The following EBF1 variants were observed in gnomAD, a reference collection of about 807,000 sequenced individuals.
EBF1 encodes EBF transcription factor 1.
In EBF1, 10 loss-of-function variants were observed where a neutral mutation model predicts 68.4. That is an observed-to-expected ratio of 0.15 (90% CI 0.09 to 0.25). The LOEUF (loss-of-function observed/expected upper bound fraction) is 0.25. Among genes scored for constraint, EBF1 ranks in the 10% least tolerant of loss-of-function variants. EBF1 has a pLI of 1.00. For synonymous variants in EBF1, 298 were observed against 299.8 expected (o/e 0.99, Z 0.06); for missense variants, 509 against 794.4 (o/e 0.64, Z 4.32).
intron 6 of EBF1, among the ~76,000 whole-genome samples, chr5:158,867,131 C>T (rs898839192): frequency 6.6e-6 from 1 of 151,984 alleles, no homozygotes; most frequent in Non-Finnish European, 1.5e-5. Flanking sequence ...AAGTTCTGCT[C>T]TATTGTGCCT....
intron 6 of EBF1, among the ~76,000 whole-genome samples, chr5:158,989,745 G>A (rs564407293): frequency 1.4e-4 from 21 of 152,270 alleles, no homozygotes; most frequent in African/African-American, 5.1e-4. Context: ...ATTCATTCAT[G>A]TGTTCATTCA....
At chr5:158,844,462 G>A (rs763369347) in intron 6 of EBF1, among the ~76,000 whole-genome samples, 10 of 152,228 alleles carry the variant, frequency 6.6e-5, no homozygotes, top group Non-Finnish European at 8.8e-5. Context: ...TAAATTGACC[G>A]AAAGGACTAG....
intron 6 of EBF1, among the ~76,000 whole-genome samples, chr5:158,845,794 A>G (rs1275560166): frequency 6.6e-6 from 1 of 152,166 alleles, no homozygotes; most frequent in East Asian, 1.9e-4. Flanking sequence ...CACATAAAGG[A>G]AAGGGGTAGT....
At chr5:158,876,901 TC>T (rs1445947572) in intron 6 of EBF1, among the ~76,000 whole-genome samples, 4 of 151,818 alleles carry the variant, frequency 2.6e-5, no homozygotes, top group Admixed American at 1.3e-4. Context: ...CATTTAGAGG[TC>T]TTTTTTACAT....
chr5:158,717,659 G>A (rs1347280275), intron 11 of EBF1, among the ~76,000 whole-genome samples: 3 of 151,392 alleles, frequency 2.0e-5, no homozygotes, highest in African/African-American at 7.3e-5. Context: ...ATCCCTTTTG[G>A]GAATTAAAGA....
At chr5:159,019,048 T>C (rs888961712) in intron 6 of EBF1, 3 of 152,210 alleles carry the variant, frequency 2.0e-5, no homozygotes, top group Admixed American at 2.0e-4. Flanking sequence ...TCTCCAATCA[T>C]TGTAAGTCCA....
chr5:158,732,251 C>T (rs771750138), intron 10 of EBF1, among the ~76,000 whole-genome samples: 1 of 152,140 alleles, frequency 6.6e-6, no homozygotes, highest in African/African-American at 2.4e-5. Context: ...AGTTGCCACA[C>T]GTTTTGCTTA....
chr5:159,012,053 C>A (rs1433786085), intron 6 of EBF1, among the ~76,000 whole-genome samples: 1 of 152,084 alleles, frequency 6.6e-6, no homozygotes, highest in Non-Finnish European at 1.5e-5. Flanking sequence ...CTTTGGGAGG[C>A]CAAGGCAGGC....
At chr5:158,753,328 G>C (rs922389653) in intron 10 of EBF1, among the ~76,000 whole-genome samples, 9 of 151,972 alleles carry the variant, frequency 5.9e-5, no homozygotes, top group African/African-American at 1.9e-4. Flanking sequence ...AACAACAAAA[G>C]AACTATTAAA....
chr5:158,943,241 A>G (rs1180177539), intron 6 of EBF1, among the ~76,000 whole-genome samples: 1 of 152,126 alleles, frequency 6.6e-6, no homozygotes, highest in Non-Finnish European at 1.5e-5. Flanking sequence ...CTAACTAGAC[A>G]GTCTTTAGGG....
intron 13 of EBF1, among the ~76,000 whole-genome samples, 181 bp downstream of exon 13, chr5:158,712,789 A>G (rs1376776957): frequency 6.6e-6 from 1 of 152,206 alleles, no homozygotes; most frequent in Non-Finnish European, 1.5e-5. Flanking sequence ...CTAGCCCTCT[A>G]TATTAGATTA....
intron 6 of EBF1, among the ~76,000 whole-genome samples, chr5:158,978,217 G>A (rs570921463): frequency 3.9e-4 from 60 of 152,358 alleles, no homozygotes; most frequent in Admixed American, 1.4e-3. Context: ...ACTGCGCCCC[G>A]GTGCGCCCTG....
At chr5:159,084,621 A>G in intron 5 of EBF1, 45 bp downstream of exon 5, 1 of 1,473,984 alleles carries the variant, frequency 6.8e-7, no homozygotes, top group Non-Finnish European at 9.1e-7. Flanking sequence ...ATGCAAATTC[A>G]TCTTCTCTTT....
chr5:158,775,865 CAAGAAATCCTAGCTTTAA>C (rs1016083310), intron 10 of EBF1, among the ~76,000 whole-genome samples: 1 of 149,964 alleles, frequency 6.7e-6, no homozygotes, highest in African/African-American at 2.5e-5. Flanking sequence ...AAATGAATGG[CAAGAAATCCTAGCTTTAA>C]AAGAAACAGC....
At chr5:158,745,665 G>A (rs764333051) in intron 10 of EBF1, among the ~76,000 whole-genome samples, 1 of 152,162 alleles carries the variant, frequency 6.6e-6, no homozygotes, top group African/African-American at 2.4e-5. Context: ...AAGGGGTCTG[G>A]TAACTGCATT....
At chr5:158,926,542 G>A (rs1035023040) in intron 6 of EBF1, among the ~76,000 whole-genome samples, 2 of 151,966 alleles carry the variant, frequency 1.3e-5, no homozygotes, top group African/African-American at 4.8e-5. Flanking sequence ...TGGCCAGTAT[G>A]GTGAAACCCC....
chr5:158,859,670 C>A (rs532878187), intron 6 of EBF1, among the ~76,000 whole-genome samples: 1 of 152,302 alleles, frequency 6.6e-6, no homozygotes. Flanking sequence ...ATTTTGGCCC[C>A]GGAAGTTGGC....
At chr5:158,863,444 T>G (rs1234570689) in intron 6 of EBF1, among the ~76,000 whole-genome samples, 1 of 152,198 alleles carries the variant, frequency 6.6e-6, no homozygotes, top group Non-Finnish European at 1.5e-5. Flanking sequence ...ATAACAACCA[T>G]GTATGTTCAT....
At chr5:158,952,046 A>G (rs1011868457) in intron 6 of EBF1, among the ~76,000 whole-genome samples, 1 of 152,140 alleles carries the variant, frequency 6.6e-6, no homozygotes, top group African/African-American at 2.4e-5. Flanking sequence ...GCTTTGGCAT[A>G]ATAAAGGTCA....
Sources: gnomAD v4.1 joint callset for allele counts (sites outside exome capture counted in the v4.1 genomes callset) on GRCh38, gnomAD v4.1.1 for gene constraint, MANE v1.5 for transcripts, NCBI Gene and HGNC (gene_info 2026-07-23, HGNC 2026-07-21) for gene names.